The following PLCL2 variants were observed in gnomAD, a reference collection of about 807,000 sequenced individuals.
PLCL2 encodes the protein phospholipase C like 2, also known as inactive phospholipase C-like protein 2.
A neutral mutation model predicts 79.6 loss-of-function variants in PLCL2; 4 were observed. That is an observed-to-expected ratio of 0.05 (90% CI 0.02 to 0.11). The LOEUF (loss-of-function observed/expected upper bound fraction) is 0.11, where lower values mean the gene tolerates loss of function less well. Ranked by LOEUF, PLCL2 falls within the 10% of genes least tolerant of loss-of-function variation. The probability of loss-of-function intolerance (pLI) is 1.00; values close to 1 mark genes in which losing one functional copy is unlikely to be tolerated. For missense variants in PLCL2, 895 were observed against 1,291.0 expected (o/e 0.69, Z 4.70); for synonymous variants, 484 against 457.7 (o/e 1.06, Z -0.73).
chr3:17,084,674 A>G (rs1229560569), intron 5 of PLCL2, among the ~76,000 whole-genome samples: 1 of 152,246 alleles, frequency 6.6e-6, no homozygotes, highest in Non-Finnish European at 1.5e-5. Context: ...TAAAGAAGAC[A>G]AAGCTCGTGG....
chr3:17,087,281 T>C lies in PLCL2; in HGVS notation c.3205-2452T>C, dbSNP rs184127667. Among the ~76,000 whole-genome samples the C allele has an allele frequency of 4.5e-3, 683 of 152,306 alleles. 3 individuals are homozygous for C. Among genetic ancestry groups the C allele is most frequent in the African/African-American group, 0.016 (658 of 41,556 alleles). ...AGATGTCCTGAAGTAAATGAATGGA[T>C]AAATAAACTGCAGTGCATCCAGACA... On this transcript the variant is annotated intron_variant, in intron 5 of 5. Transcript: ENST00000615277.
intron 5 of PLCL2, among the ~76,000 whole-genome samples, chr3:17,076,359 T>C (rs1392936759): frequency 6.6e-6 from 1 of 152,078 alleles, no homozygotes; most frequent in African/African-American, 2.4e-5. Context: ...TGGAAACTTT[T>C]TGGTGATTAT....
chr3:16,993,618 G>A (rs2064125570), intron 1 of PLCL2, among the ~76,000 whole-genome samples: 1 of 152,172 alleles, frequency 6.6e-6, no homozygotes, highest in East Asian at 1.9e-4. Flanking sequence ...TAGCTTGCAG[G>A]TAGAATTTGT....
intron 4 of PLCL2, among the ~76,000 whole-genome samples, chr3:17,052,781 C>A (rs1372868687): frequency 1.3e-5 from 2 of 152,040 alleles, no homozygotes; most frequent in Non-Finnish European, 2.9e-5. Flanking sequence ...TCCACTTCCA[C>A]GTGATAAATA....
At chr3:17,050,624 T>G (rs1362991210) in intron 4 of PLCL2, among the ~76,000 whole-genome samples, 3 of 152,186 alleles carry the variant, frequency 2.0e-5, no homozygotes, top group Admixed American at 6.5e-5. Context: ...AAATGGCTTT[T>G]ATCCAAAAGT....
Position 16,987,124 on chromosome 3 carries a change from C to T in PLCL2, c.328-22550C>T, listed in dbSNP as rs144410475. Among the ~76,000 whole-genome samples the T allele has an allele frequency of 3.4e-3, 521 of 151,860 alleles. 4 individuals are homozygous for T. The highest frequency in any genetic ancestry group is 0.012 in the African/African-American group (476 of 41,358). On this transcript the variant is annotated intron_variant, in intron 1 of 5. Transcript: ENST00000615277. Reference sequence around the variant, plus strand: ...CAACCTTGTAGAATAAATTATTATCCTTGTGTAACGGAAGAGGAAATCGAG... The same window carrying T: ...CAACCTTGTAGAATAAATTATTATCTTTGTGTAACGGAAGAGGAAATCGAG...
At chr3:16,889,629 C>T (rs1026374131) in intron 1 of PLCL2, among the ~76,000 whole-genome samples, 3 of 152,152 alleles carry the variant, frequency 2.0e-5, no homozygotes, top group African/African-American at 7.2e-5. Flanking sequence ...CTTTATACTA[C>T]TATGTTCACC....
chr3:17,036,387 G>C (rs1315601314), intron 3 of PLCL2, among the ~76,000 whole-genome samples: 1 of 152,126 alleles, frequency 6.6e-6, no homozygotes, highest in Non-Finnish European at 1.5e-5. Context: ...GTTCAACTTT[G>C]TAACATTTTT....
intron 1 of PLCL2, among the ~76,000 whole-genome samples, chr3:16,941,406 AAC>A (rs1263719694): frequency 6.6e-6 from 1 of 152,070 alleles, no homozygotes; most frequent in Non-Finnish European, 1.5e-5. Context: ...CTCTTTTAAA[AAC>A]CCTTCAGCCA....
chr3:17,066,538 A>T (rs750922094), intron 4 of PLCL2, among the ~76,000 whole-genome samples: 4 of 152,270 alleles, frequency 2.6e-5, no homozygotes, highest in Non-Finnish European at 4.4e-5. Flanking sequence ...ACTGAAGAGT[A>T]AAAGTGTGCA....
chr3:16,963,648 C>T (rs1199308138), intron 1 of PLCL2, among the ~76,000 whole-genome samples: 1 of 152,116 alleles, frequency 6.6e-6, no homozygotes, highest in Non-Finnish European at 1.5e-5. Flanking sequence ...CCAGCATATA[C>T]TCATAAAAGT....
intron 2 of PLCL2, 25 bp downstream of exon 2, chr3:17,012,185 A>C (rs373915218): frequency 6.3e-7 from 1 of 1,578,238 alleles, no homozygotes; most frequent in African/African-American, 1.4e-5. Context: ...TTAATCATTT[A>C]CTCAATGGTT....
At chr3:17,026,082 A>G (rs1036558189) in intron 3 of PLCL2, among the ~76,000 whole-genome samples, 1 of 152,210 alleles carries the variant, frequency 6.6e-6, no homozygotes, top group South Asian at 2.1e-4. Context: ...GAAATAATTA[A>G]TGCCACTCAC....
intron 1 of PLCL2, among the ~76,000 whole-genome samples, chr3:16,975,154 A>C (rs2063911293): frequency 1.3e-5 from 2 of 152,216 alleles, no homozygotes; most frequent in Non-Finnish European, 2.9e-5. Flanking sequence ...AACCAAAAAA[A>C]GTTCTTCCCT....
At chr3:17,005,411 T>C (rs1693064562) in intron 1 of PLCL2, among the ~76,000 whole-genome samples, 2 of 152,302 alleles carry the variant, frequency 1.3e-5, no homozygotes, top group East Asian at 3.9e-4. Flanking sequence ...CCCATGCCCA[T>C]TTATGAAATT....
rs563881078 is a variant in PLCL2 at position 16,957,705 on chromosome 3, G to T, written c.328-51969G>T. ...CACTGAGGACTTGCTTTATGAATCT[G>T]GGTGCTCCTGTATTGGGGGCATATA... On this transcript the variant is annotated intron_variant, in intron 1 of 5. Coordinates refer to ENST00000615277, the MANE Select transcript of PLCL2 (RefSeq NM_001144382.2). Among the ~76,000 whole-genome samples the T allele has an allele frequency of 3.9e-5, 6 of 152,260 alleles. No homozygotes were observed. The South Asian group carries it at 1.2e-3, about 32-fold the overall frequency.
chr3:17,067,949 C>T lies in PLCL2; in HGVS notation c.3095-7C>T. ...TTAATATACTTTGTCTTTTTTATTT[C>T]TTTCAGCCATGGAATTCCATGAACA... On this transcript the variant is annotated splice_polypyrimidine_tract_variant and splice_region_variant and intron_variant, in intron 4 of 5. Transcript: ENST00000615277. 1 of 1,546,638 alleles carries T rather than the reference C, an allele frequency of 6.5e-7. No individual in the cohort carries two copies. The highest frequency in any genetic ancestry group is 8.9e-7 in the Non-Finnish European group (1 of 1,126,790).
At chr3:17,021,553 T>C (rs1366904505) in intron 3 of PLCL2, among the ~76,000 whole-genome samples, 1 of 151,380 alleles carries the variant, frequency 6.6e-6, no homozygotes, top group African/African-American at 2.4e-5. Flanking sequence ...TTAACATGTC[T>C]CCACAGAAAC....
Position 16,885,426 on chromosome 3 carries a change from C to T in PLCL2, c.327+60C>T, listed in dbSNP as rs1354390541. On this transcript the variant is annotated intron_variant, in intron 1 of 5. Coordinates refer to ENST00000615277, the MANE Select transcript of PLCL2 (RefSeq NM_001144382.2). ...AGCCGTCCTTGGATTCTATTTTCTC[C>T]CTGGGGGAGTGGTGGTGGAAGGAGG... 8 of 545,780 alleles carry T rather than the reference C, an allele frequency of 1.5e-5. No individual in the cohort carries two copies. In the East Asian group the frequency reaches 2.7e-4, roughly 19 times the overall value. The allele number at this position is 545,780 out of a possible 1,614,324, so 33.8% of individuals were successfully genotyped here.
Sources: gnomAD v4.1 joint callset for allele counts (sites outside exome capture counted in the v4.1 genomes callset) on GRCh38, gnomAD v4.1.1 for gene constraint, MANE v1.5 for transcripts, NCBI Gene and HGNC (gene_info 2026-07-23, HGNC 2026-07-21) for gene names.